The following SGSM1 variants were observed in gnomAD, a reference collection of about 807,000 sequenced individuals.
SGSM1 encodes small G protein signaling modulator 1, also known as RUN and TBC1 domain containing 2.
SGSM1 carries 73 observed loss-of-function variants against 133.8 expected under a neutral mutation model. That is an observed-to-expected ratio of 0.55 (90% confidence interval 0.45 to 0.66). The LOEUF (loss-of-function observed/expected upper bound fraction) is 0.66. Among genes scored for constraint, SGSM1 ranks in the 30% least tolerant of loss-of-function variants. SGSM1 has a pLI of 0.00. For missense variants in SGSM1, 1,213 were observed against 1,448.1 expected, an observed-to-expected ratio of 0.84 and a Z score of 2.64; for synonymous variants, 563 against 573.0, an observed-to-expected ratio of 0.98 and a Z score of 0.25.
At chr22:24,854,168 T>C (rs900853592) in intron 5 of SGSM1, among the ~76,000 whole-genome samples, 10 of 152,222 alleles carry the variant, frequency 6.6e-5, no homozygotes, top group African/African-American at 2.4e-4. Context: ...CATCACTTGC[T>C]ATTTTTCAGA....
At chr22:24,852,523 A>G (rs1234357001) in intron 5 of SGSM1, among the ~76,000 whole-genome samples, 1 of 152,160 alleles carries the variant, frequency 6.6e-6, no homozygotes, top group African/African-American at 2.4e-5. Flanking sequence ...GACTCACTGC[A>G]ACCTCTGCGT....
intron 22 of SGSM1, among the ~76,000 whole-genome samples, chr22:24,916,042 GT>G (rs11337461): frequency 0.28 from 42,184 of 151,698 alleles, 6,213 homozygotes; most frequent in African/African-American, 0.32. Flanking sequence ...TCCACCATCT[GT>G]TTTTTTTTAT....
At chr22:24,854,972 C>T (rs747158760) in intron 5 of SGSM1, 24 bp from the exon 6 acceptor site, 1 of 1,605,092 alleles carries the variant, frequency 6.2e-7, no homozygotes, top group Non-Finnish European at 8.5e-7. Flanking sequence ...CCATCCAAAC[C>T]TGCATATTCT....
chr22:24,921,168 C>T (rs1933994851), intron 24 of SGSM1, among the ~76,000 whole-genome samples: 1 of 151,760 alleles, frequency 6.6e-6, no homozygotes, highest in African/African-American at 2.4e-5. Flanking sequence ...GGCACGATCT[C>T]AGCTCACTGC....
chr22:24,916,006 G>A (rs1026735531), intron 22 of SGSM1, among the ~76,000 whole-genome samples: 1 of 151,738 alleles, frequency 6.6e-6, no homozygotes, highest in Non-Finnish European at 1.5e-5. Flanking sequence ...CCACTGAATA[G>A]CATATCCAAT....
chr22:24,813,145 A>G lies in SGSM1; in HGVS notation c.63+6661A>G, dbSNP rs920377757. On this transcript the variant is annotated intron_variant, in intron 2 of 24. Transcript: ENST00000400358. ...GAAGTGTGTGCCTGGCAGAGGGAAT[A>G]GCGTATGCAGAGGCTGTGAGTTGGG... is the stretch of plus-strand genomic sequence containing the variant. 4.6e-5 allele frequency among the ~76,000 whole-genome samples: 7 copies of G among 152,154 alleles called. No individual in the cohort carries two copies. The East Asian group carries it at 1.3e-3, about 29-fold the overall frequency.
At chr22:24,873,974 T>G (rs2147882478) in intron 12 of SGSM1, among the ~76,000 whole-genome samples, 1 of 151,898 alleles carries the variant, frequency 6.6e-6, no homozygotes, top group African/African-American at 2.4e-5. Flanking sequence ...GTAAAAGGGG[T>G]TAATGATAGT....
At chr22:24,853,082 C>T (rs1395223333) in intron 5 of SGSM1, among the ~76,000 whole-genome samples, 1 of 152,208 alleles carries the variant, frequency 6.6e-6, no homozygotes, top group Non-Finnish European at 1.5e-5. Flanking sequence ...ACAATCCAGG[C>T]ATTTGAGTTC....
At chr22:24,863,856 C>G (rs144594812) in intron 9 of SGSM1, among the ~76,000 whole-genome samples, 1,776 of 151,888 alleles carry the variant, frequency 0.012, 17 homozygotes, top group African/African-American at 0.041. Context: ...ATTTTCCTGC[C>G]TCAGCCTCCC....
intron 2 of SGSM1, among the ~76,000 whole-genome samples, chr22:24,816,442 G>A (rs1928087518): frequency 8.5e-6 from 1 of 118,058 alleles, no homozygotes; most frequent in African/African-American, 3.0e-5. Context: ...TTGAGATGGT[G>A]TCTCGCTCTG....
intron 22 of SGSM1, among the ~76,000 whole-genome samples, chr22:24,917,014 G>T (rs1031646689): frequency 5.3e-5 from 8 of 151,466 alleles, no homozygotes; most frequent in Non-Finnish European, 7.4e-5. Context: ...GAGTAGCTGG[G>T]ACTACATGCC....
chr22:24,900,826 T>C (rs1485573936), intron 19 of SGSM1, among the ~76,000 whole-genome samples: 1 of 152,226 alleles, frequency 6.6e-6, no homozygotes, highest in Non-Finnish European at 1.5e-5. Flanking sequence ...GCACCTTCTT[T>C]CTCTGAGTGT....
chr22:24,847,091 G>C (rs1930192658), intron 3 of SGSM1, among the ~76,000 whole-genome samples: 1 of 152,040 alleles, frequency 6.6e-6, no homozygotes, highest in African/African-American at 2.4e-5. Context: ...CCAGCACCCA[G>C]CATGTCCCAG....
chr22:24,821,733 T>TC lies in SGSM1; in HGVS notation c.63+15256dup, dbSNP rs139623. On this transcript the variant is annotated intron_variant, in intron 2 of 24. Transcript: ENST00000400358. ...AGGAAAGGACATTGCTTTCTTATTT[T>TC]CCCCCCCAAAGTCTGTATTTAAGAC... Among the ~76,000 whole-genome samples, 748 of 152,314 alleles carry TC rather than the reference T, an allele frequency of 4.9e-3. 3 individuals are homozygous for TC. Among genetic ancestry groups the TC allele is most frequent in the Non-Finnish European group, 7.6e-3 (515 of 68,024 alleles).
chr22:24,926,014 A>G lies in SGSM1; in HGVS notation c.*1740A>G, dbSNP rs1157478264. The G allele has an allele frequency of 6.6e-6, 1 of 152,214 alleles. No individual in the cohort carries two copies. Among genetic ancestry groups the G allele is most frequent in the Non-Finnish European group, 1.5e-5 (1 of 68,080 alleles). 9.4% of individuals were successfully genotyped at this position (152,214 alleles called of 1,614,324 possible). On this transcript the variant is annotated 3_prime_UTR_variant, in exon 25 of 25. Coordinates refer to ENST00000400358, the MANE Select transcript of SGSM1 (RefSeq NM_001098497.3). ...AGCAGAGAGAAAGGCTCTTCCCGGG[A>G]GACCTGCCGCCTCTAGGGTGGTCAG...
intron 2 of SGSM1, among the ~76,000 whole-genome samples, chr22:24,843,039 AAAAG>A (rs752345162): frequency 2.6e-5 from 4 of 152,162 alleles, no homozygotes; most frequent in Admixed American, 6.5e-5. Context: ...GGAGAAAAAA[AAAAG>A]AAAGTGATAA....
At chr22:24,923,437 G>T (rs1188873285) in intron 24 of SGSM1, among the ~76,000 whole-genome samples, 1 of 152,096 alleles carries the variant, frequency 6.6e-6, no homozygotes, top group South Asian at 2.1e-4. Flanking sequence ...TGACCACATT[G>T]TGTGGCTCTT....
At position 24,811,587 on chromosome 22, in the gene SGSM1, C is replaced by T. The variant is rs180859145; in HGVS notation, c.63+5103C>T. 2.4e-3 allele frequency among the ~76,000 whole-genome samples: 366 copies of T among 152,148 alleles called. 1 individual carries two copies. Among genetic ancestry groups the T allele is most frequent in the South Asian group, 2.7e-3 (13 of 4,816 alleles). ...TGTAATAACATTAGCAATTCCTGGC[C>T]GGGCACTGTGGCTCATGCCTGTAAT... On this transcript the variant is annotated intron_variant, in intron 2 of 24. Coordinates refer to ENST00000400358, the MANE Select transcript of SGSM1 (RefSeq NM_001098497.3).
intron 19 of SGSM1, among the ~76,000 whole-genome samples, chr22:24,899,193 C>A (rs1933033276): frequency 6.6e-6 from 1 of 151,968 alleles, no homozygotes; most frequent in South Asian, 2.1e-4. Flanking sequence ...GATGTGTTTT[C>A]CTTTTCCTGT....
Sources: allele counts gnomAD v4.1 joint callset (sites outside exome capture counted in the v4.1 genomes callset), GRCh38; gene constraint gnomAD v4.1.1; transcripts MANE v1.5; gene names NCBI Gene and HGNC (gene_info 2026-07-23, HGNC 2026-07-21).